Variants in DEPTOR observed in about 807,000 individuals in gnomAD.
The protein encoded by DEPTOR is DEP domain-containing mTOR-interacting protein.
DEPTOR carries 41 observed loss-of-function variants against 41.6 expected under a neutral mutation model. The observed-to-expected ratio is 0.98, with a 90% confidence interval of 0.77 to 1.28. The LOEUF (loss-of-function observed/expected upper bound fraction) is 1.28, where lower values mean the gene tolerates loss of function less well. DEPTOR is among the 50% of genes most tolerant of loss of function. The probability of loss-of-function intolerance (pLI) is 0.00; values close to 1 mark genes in which losing one functional copy is unlikely to be tolerated. For missense variants in DEPTOR, 514 were observed against 527.9 expected (o/e 0.97, Z 0.26); for synonymous variants, 195 against 192.3 (o/e 1.01, Z -0.12).
intron 3 of DEPTOR, among the ~76,000 whole-genome samples, chr8:119,956,999 AGT>A (rs1476208440): frequency 5.3e-5 from 8 of 152,058 alleles, no homozygotes; most frequent in Non-Finnish European, 7.4e-5. Flanking sequence ...GGCCTCCCAA[AGT>A]GCTGGGATTA....
At chr8:119,952,330 G>T (rs1163607927) in intron 3 of DEPTOR, among the ~76,000 whole-genome samples, 1 of 152,156 alleles carries the variant, frequency 6.6e-6, no homozygotes, top group Non-Finnish European at 1.5e-5. Context: ...GGCACCTTCT[G>T]CTCTTTCCGT....
chr8:119,979,276 A>T (rs1048368075), intron 4 of DEPTOR, among the ~76,000 whole-genome samples: 1 of 152,088 alleles, frequency 6.6e-6, no homozygotes, highest in Non-Finnish European at 1.5e-5. Context: ...CTTTTCATCC[A>T]GCTTTTTTTC....
intron 8 of DEPTOR, among the ~76,000 whole-genome samples, chr8:120,022,242 C>T (rs1023120047): frequency 3.3e-5 from 5 of 149,836 alleles, no homozygotes; most frequent in Admixed American, 6.6e-5. Context: ...TCAAAATCAG[C>T]AAATGCTGGT....
At chr8:120,015,976 G>A (rs925471301) in intron 8 of DEPTOR, among the ~76,000 whole-genome samples, 10 of 152,132 alleles carry the variant, frequency 6.6e-5, no homozygotes, top group African/African-American at 2.4e-4. Context: ...AGAAGGCCAG[G>A]GAATCGCCAT....
chr8:119,888,562 A>C (rs1412698882), intron 1 of DEPTOR, among the ~76,000 whole-genome samples: 1 of 152,196 alleles, frequency 6.6e-6, no homozygotes, highest in Non-Finnish European at 1.5e-5. Flanking sequence ...ATAAACAAGA[A>C]TTCTTTATCC....
chr8:119,914,033 C>CTT lies in DEPTOR; in HGVS notation c.123-14355_123-14354dup, dbSNP rs11314693. 2.6e-4 allele frequency among the ~76,000 whole-genome samples: 37 copies of CTT among 141,998 alleles called. 1 individual carries two copies. Among genetic ancestry groups the CTT allele is most frequent in the African/African-American group, 6.8e-4 (26 of 38,366 alleles). 93.2% of individuals were successfully genotyped at this position (141,998 alleles called of 152,430 possible). On this transcript the variant is annotated intron_variant, in intron 1 of 8. Coordinates refer to ENST00000286234, the MANE Select transcript of DEPTOR (RefSeq NM_022783.4). ...TTAATACCTACCCAGTCTTTCTTTT[C>CTT]TTTTTTTTTTTTTCCTTTTTTGTTC...
At chr8:119,908,942 G>A (rs950286953) in intron 1 of DEPTOR, among the ~76,000 whole-genome samples, 3 of 152,116 alleles carry the variant, frequency 2.0e-5, no homozygotes, top group African/African-American at 7.2e-5. Flanking sequence ...CCAAGGAACA[G>A]AGCCTTAGGC....
intron 1 of DEPTOR, among the ~76,000 whole-genome samples, chr8:119,913,528 T>C (rs556640028): frequency 2.8e-4 from 43 of 152,308 alleles, no homozygotes; most frequent in Non-Finnish European, 5.4e-4. Context: ...GAGGTAATTA[T>C]TTAGCTCAAG....
chr8:119,957,851 A>T (rs1291492248), intron 3 of DEPTOR, among the ~76,000 whole-genome samples: 1 of 152,118 alleles, frequency 6.6e-6, no homozygotes, highest in Non-Finnish European at 1.5e-5. Context: ...GGCCTCCCAA[A>T]GTGCTGGGAT....
intron 5 of DEPTOR, among the ~76,000 whole-genome samples, 165 bp from the exon 6 acceptor site, chr8:120,002,812 A>ATATATATATATATATATAT (rs71306853): frequency 3.8e-4 from 49 of 129,968 alleles, no homozygotes; most frequent in East Asian, 7.6e-4. Flanking sequence ...ATATATATAT[A>ATATATATATATATATATAT]ATATAAAGTA....
chr8:119,975,135 TAA>T (rs763918963), intron 4 of DEPTOR, among the ~76,000 whole-genome samples: 3 of 139,044 alleles, frequency 2.2e-5, no homozygotes. Flanking sequence ...ATCCCATCTC[TAA>T]AAAAAAAAAA....
At chr8:120,042,315 G>A (rs1232172978) in intron 8 of DEPTOR, among the ~76,000 whole-genome samples, 2 of 152,092 alleles carry the variant, frequency 1.3e-5, no homozygotes, top group East Asian at 1.9e-4. Flanking sequence ...TACTCATAAT[G>A]TGTGTTGATT....
At chr8:119,930,332 G>A (rs1260756538) in intron 3 of DEPTOR, among the ~76,000 whole-genome samples, 1 of 152,060 alleles carries the variant, frequency 6.6e-6, no homozygotes, top group Admixed American at 6.6e-5. Context: ...CGTCTTCTGG[G>A]TTCAAGTGAT....
At chr8:119,994,790 G>C (rs917454671) in intron 4 of DEPTOR, among the ~76,000 whole-genome samples, 1 of 151,822 alleles carries the variant, frequency 6.6e-6, no homozygotes, top group Non-Finnish European at 1.5e-5. Context: ...GGTGGTGCAC[G>C]CCTGTAGTCT....
chr8:119,968,549 G>A (rs1828593134), intron 4 of DEPTOR, among the ~76,000 whole-genome samples: 1 of 152,118 alleles, frequency 6.6e-6, no homozygotes, highest in Non-Finnish European at 1.5e-5. Context: ...TGATGCGCCT[G>A]CCCCGGTCTC....
chr8:119,971,189 C>G (rs142476316), intron 4 of DEPTOR, among the ~76,000 whole-genome samples: 101 of 145,620 alleles, frequency 6.9e-4, no homozygotes, highest in African/African-American at 2.3e-3. Flanking sequence ...GCGAAGATTG[C>G]GCCACCGCTC....
chr8:119,941,130 T>C (rs2129894830), intron 3 of DEPTOR, among the ~76,000 whole-genome samples: 1 of 152,172 alleles, frequency 6.6e-6, no homozygotes, highest in Middle Eastern at 3.4e-3. Context: ...TCCCAGCACT[T>C]TGGGAGGCTG....
chr8:119,909,219 C>G (rs937366348), intron 1 of DEPTOR, among the ~76,000 whole-genome samples: 4 of 152,198 alleles, frequency 2.6e-5, no homozygotes, highest in African/African-American at 9.7e-5. Context: ...GCTTCCCTAC[C>G]TTGCCTCTGG....
At chr8:119,937,296 A>G (rs1187799631) in intron 3 of DEPTOR, among the ~76,000 whole-genome samples, 1 of 151,938 alleles carries the variant, frequency 6.6e-6, no homozygotes, top group Non-Finnish European at 1.5e-5. Flanking sequence ...GCTACTTGGG[A>G]GGCTGAGGCA....
Sources: gnomAD v4.1 joint callset for allele counts (sites outside exome capture counted in the v4.1 genomes callset) on GRCh38, gnomAD v4.1.1 for gene constraint, MANE v1.5 for transcripts, NCBI Gene and HGNC (gene_info 2026-07-23, HGNC 2026-07-21) for gene names.